The following DENND4C variants were observed in gnomAD, a reference collection of about 807,000 sequenced individuals.
DENND4C encodes DENN domain containing 4C.
A neutral mutation model predicts 203.0 loss-of-function variants in DENND4C; 108 were observed. The ratio of observed to expected loss-of-function variants is 0.53; its 90% CI spans 0.46 to 0.62. DENND4C has a LOEUF of 0.62. DENND4C is among the 20% of genes least tolerant of loss of function. DENND4C has a pLI of 0.00. For missense variants in DENND4C, 2,481 were observed against 2,301.2 expected, an observed-to-expected ratio of 1.08 and a Z score of -1.60; for synonymous variants, 871 against 792.4, an observed-to-expected ratio of 1.10 and a Z score of -1.67.
chr9:19,275,521 G>A (rs1457589995), intron 1 of DENND4C, among the ~76,000 whole-genome samples: 2 of 151,608 alleles, frequency 1.3e-5, no homozygotes, highest in East Asian at 3.9e-4. Context: ...CCCAGGCTGA[G>A]GTGAAGTGGA....
chr9:19,366,917 C>T lies in DENND4C; in HGVS notation c.5525-2920C>T, dbSNP rs538519594. Among the ~76,000 whole-genome samples the T allele has an allele frequency of 1.6e-4, 24 of 152,236 alleles. No individual in the cohort carries two copies. In the East Asian group the frequency reaches 3.1e-3, roughly 20 times the overall value. ...ACCATCAAAAAAGTGAAAGGTCAAT[C>T]GACAGATTGGGAGGAGATATTTGCA... On this transcript the variant is annotated intron_variant, in intron 30 of 32. Coordinates refer to ENST00000434457, the MANE Select transcript of DENND4C (RefSeq NM_001330640.2).
chr9:19,373,581 A>C lies in DENND4C; in HGVS notation c.*1408A>C, dbSNP rs1018569023. The C allele has an allele frequency of 3.9e-5, 6 of 152,634 alleles. No homozygotes were observed. Among genetic ancestry groups the C allele is most frequent in the African/African-American group, 1.4e-4 (6 of 41,436 alleles). 9.5% of individuals were successfully genotyped at this position (152,634 alleles called of 1,614,324 possible). A position where few individuals can be genotyped will look rare whatever the true frequency, so the allele number is the denominator to read the frequency against. On this transcript the variant is annotated 3_prime_UTR_variant, in exon 33 of 33. Coordinates refer to ENST00000434457, the MANE Select transcript of DENND4C (RefSeq NM_001330640.2). ...TTAGGTTGAATCAATTAAGTCTTAA[A>C]ACTGTAAATTTATTAAGCTTGTTGC...
Position 19,299,123 on chromosome 9 carries a change from A to G in DENND4C, c.1108-106A>G, listed in dbSNP as rs75906318. On this transcript the variant is annotated intron_variant, in intron 7 of 32. Transcript: ENST00000434457. ...GCATATTAAATTATTAATGTTTTCA[A>G]TATTACCTTTGATCTAAATATATAG... 350 of 777,904 alleles carry G rather than the reference A, an allele frequency of 4.5e-4. 1 individual carries two copies. In the East Asian group the frequency reaches 6.3e-3, roughly 14 times the overall value. 48.2% of individuals were successfully genotyped at this position (777,904 alleles called of 1,614,324 possible).
At chr9:19,299,351 A>G in intron 8 of DENND4C, 64 bp downstream of exon 8, 8 of 1,130,614 alleles carry the variant, frequency 7.1e-6, no homozygotes, top group Non-Finnish European at 1.0e-5. Flanking sequence ...AAAATATTTT[A>G]GTGATTAGTA....
At chr9:19,251,462 C>G (rs1328411912) in intron 1 of DENND4C, among the ~76,000 whole-genome samples, 4 of 152,184 alleles carry the variant, frequency 2.6e-5, no homozygotes, top group African/African-American at 4.8e-5. Flanking sequence ...ACATTTTCCC[C>G]CTCTGTCTTG....
chr9:19,239,687 G>A (rs1240953016), intron 1 of DENND4C, among the ~76,000 whole-genome samples: 1 of 152,064 alleles, frequency 6.6e-6, no homozygotes, highest in South Asian at 2.1e-4. Context: ...GGGTTTCATC[G>A]TGTTGGCCAG....
chr9:19,315,729 A>G (rs1841717134), intron 10 of DENND4C, among the ~76,000 whole-genome samples: 1 of 150,522 alleles, frequency 6.6e-6, no homozygotes, highest in Non-Finnish European at 1.5e-5. Context: ...TTTTTGAGAC[A>G]TAGTCTTGCT....
rs115333095 is a variant in DENND4C, at chr9:19,347,097, T to C, written c.4317+11T>C. ...TACTCAGATGATGAGGTAAGAAAGC[T>C]TTATGTGTGTAGTCTGTCTGCTATT... is the stretch of plus-strand genomic sequence containing the variant. On this transcript the variant is annotated intron_variant, in intron 23 of 32. Coordinates refer to ENST00000434457, the MANE Select transcript of DENND4C (RefSeq NM_001330640.2). The C allele has an allele frequency of 8.2e-4, 1,320 of 1,606,064 alleles. 5 individuals are homozygous for C. In the African/African-American group the frequency reaches 0.015, roughly 18 times the overall value.
At chr9:19,336,436 A>G in intron 19 of DENND4C, 22 bp downstream of exon 19, 1 of 1,601,340 alleles carries the variant, frequency 6.2e-7, no homozygotes, top group Non-Finnish European at 8.5e-7. Context: ...GATTAGAAAT[A>G]TAATTCCTTA....
Position 19,280,729 on chromosome 9 carries a change from T to A in DENND4C, c.305+4250T>A, listed in dbSNP as rs189712634. On this transcript the variant is annotated intron_variant, in intron 2 of 32. Transcript: ENST00000434457. ...TTTTAATTAAAAAAATTGTTTTTTT[T>A]AATATATAAAAATAAGGAGAATTTT... Among the ~76,000 whole-genome samples, 661 of 152,082 alleles carry A rather than the reference T, an allele frequency of 4.3e-3. 5 individuals carry two copies. The highest frequency in any genetic ancestry group is 0.015 in the African/African-American group (631 of 41,522).
chr9:19,234,377 C>T (rs549031614), intron 1 of DENND4C, among the ~76,000 whole-genome samples: 3 of 151,994 alleles, frequency 2.0e-5, no homozygotes, highest in East Asian at 1.9e-4. Flanking sequence ...ACTACAGGTG[C>T]GTGCCACCAC....
In DENND4C at chr9:19,372,858, C is replaced by CAAAAAAAAAAAAAA. The variant is rs368857837; in HGVS notation, c.*694_*707dup. 1.7e-4 allele frequency: 9 copies of CAAAAAAAAAAAAAA among 52,986 alleles called. No homozygotes were observed. Among genetic ancestry groups the CAAAAAAAAAAAAAA allele is most frequent in the African/African-American group, 4.7e-4 (8 of 16,944 alleles). 3.3% of individuals were successfully genotyped at this position (52,986 alleles called of 1,614,324 possible). On this transcript the variant is annotated 3_prime_UTR_variant, in exon 33 of 33. Transcript: ENST00000434457. The stretch of plus-strand genomic sequence containing the variant: ...CTTGGGTGACAGAGTGAGACCGTCT[C>CAAAAAAAAAAAAAA]AAAAAAAAAAAAAAAAAAAAAAGAG...
intron 20 of DENND4C, among the ~76,000 whole-genome samples, chr9:19,337,438 C>G (rs117784252): frequency 3.2e-3 from 485 of 152,220 alleles, no homozygotes; most frequent in Non-Finnish European, 5.1e-3. Context: ...ATATCTCAAG[C>G]CTTCCTTTAA....
At chr9:19,315,569 A>ATATATGTATGTGTGTC (rs1841671313) in intron 10 of DENND4C, among the ~76,000 whole-genome samples, 1 of 151,278 alleles carries the variant, frequency 6.6e-6, no homozygotes, top group Non-Finnish European at 1.5e-5. Context: ...GTATGTGTGT[A>ATATATGTATGTGTGTC]TATATACGTG....
chr9:19,243,018 T>C (rs1310206282), intron 1 of DENND4C, among the ~76,000 whole-genome samples: 2 of 152,134 alleles, frequency 1.3e-5, no homozygotes, highest in Non-Finnish European at 2.9e-5. Context: ...AATTCACCAA[T>C]TTAAAGGGGG....
chr9:19,240,520 G>A (rs556388811), intron 1 of DENND4C, among the ~76,000 whole-genome samples: 66 of 152,066 alleles, frequency 4.3e-4, no homozygotes, highest in Non-Finnish European at 8.2e-4. Flanking sequence ...ACAAAAATTA[G>A]CCTGGCATAG....
At position 19,316,500 on chromosome 9, in the gene DENND4C, A is replaced by G. The variant is rs1248358064; in HGVS notation, c.1571A>G (p.Tyr524Cys). 1 of 1,613,710 alleles carries G rather than the reference A, an allele frequency of 6.2e-7. No individual in the cohort carries two copies. The part of the protein sequence containing the change: ...KNLLSTLKKL[Y>C]PQLSSVHQKT... ...CTACTTAGCACCTTAAAGAAATTGT[A>G]TCCCCAGCTGTCTTCAGGTAATGTG... The change falls in exon 11 of 33, where the codon TAT becomes TGT. Residue 524 changes from tyrosine (Y) to cysteine (C), a missense_variant. Physicochemically the swap from Tyr to Cys is radical, Grantham distance 194 (BLOSUM62 -2). Coordinates refer to ENST00000434457, the MANE Select transcript of DENND4C (RefSeq NM_001330640.2).
At chr9:19,324,808 C>G (rs866996008) in intron 13 of DENND4C, among the ~76,000 whole-genome samples, 1 of 152,220 alleles carries the variant, frequency 6.6e-6, no homozygotes, top group East Asian at 1.9e-4. Flanking sequence ...CAACTTTGAA[C>G]TTCTTGCCTG....
intron 5 of DENND4C, among the ~76,000 whole-genome samples, chr9:19,292,833 A>T (rs1437330653): frequency 1.3e-5 from 2 of 152,222 alleles, no homozygotes; most frequent in Non-Finnish European, 2.9e-5. Context: ...GGTGTCAGCC[A>T]ATGCGCCCAG....
Sources: gnomAD v4.1 joint callset for allele counts (sites outside exome capture counted in the v4.1 genomes callset) on GRCh38, gnomAD v4.1.1 for gene constraint, MANE v1.5 for transcripts, NCBI Gene and HGNC (gene_info 2026-07-23, HGNC 2026-07-21) for gene names.